Variants in INPP4B observed in about 807,000 individuals in gnomAD.
INPP4B encodes the protein inositol polyphosphate 4-phosphatase type II.
In INPP4B, 55 loss-of-function variants were observed where a neutral mutation model predicts 122.5. The observed-to-expected ratio is 0.45, with a 90% CI of 0.36 to 0.56. The LOEUF (loss-of-function observed/expected upper bound fraction) is 0.56, where lower values mean the gene tolerates loss of function less well. Among genes scored for constraint, INPP4B ranks in the 20% least tolerant of loss-of-function variants. The pLI is 0.00. For synonymous variants in INPP4B, 403 were observed against 388.7 expected (o/e 1.04, Z -0.43); for missense variants, 1,000 against 1,097.7 (o/e 0.91, Z 1.26).
At chr4:142,644,732 T>A (rs1751338490) in intron 2 of INPP4B, among the ~76,000 whole-genome samples, 4 of 99,250 alleles carry the variant, frequency 4.0e-5, no homozygotes, top group East Asian at 3.1e-4. Flanking sequence ...CAAAACCCCA[T>A]CTCTACTTAA....
At chr4:142,649,935 T>C (rs1247158624) in intron 2 of INPP4B, among the ~76,000 whole-genome samples, 6 of 151,996 alleles carry the variant, frequency 3.9e-5, no homozygotes, top group Non-Finnish European at 7.4e-5. Flanking sequence ...AAGGTTGAAA[T>C]GAAGGAAAAA....
At chr4:142,294,914 T>C (rs1011265022) in intron 9 of INPP4B, among the ~76,000 whole-genome samples, 11 of 147,452 alleles carry the variant, frequency 7.5e-5, no homozygotes, top group African/African-American at 2.8e-4. Context: ...TGAGCAGATG[T>C]GCAGATGTTC....
chr4:142,134,797 CAAAAAAAAAA>C (rs58297348), intron 18 of INPP4B, among the ~76,000 whole-genome samples: 9 of 51,298 alleles, frequency 1.8e-4, no homozygotes, highest in Admixed American at 2.2e-4. Context: ...AACTCTGTCT[CAAAAAAAAAA>C]AAAAAAAAAA....
intron 25 of INPP4B, among the ~76,000 whole-genome samples, chr4:142,079,498 T>C (rs1354862217): frequency 6.6e-6 from 1 of 152,064 alleles, no homozygotes; most frequent in African/African-American, 2.4e-5. Flanking sequence ...ACCCCAGTAA[T>C]CAATCAGCAT....
intron 2 of INPP4B, among the ~76,000 whole-genome samples, chr4:142,692,495 G>A (rs768632162): frequency 7.9e-5 from 12 of 152,144 alleles, no homozygotes; most frequent in Non-Finnish European, 1.2e-4. Flanking sequence ...GAGCCCAGGA[G>A]TTCCAGATTA....
chr4:142,297,137 C>T (rs1395016149), intron 9 of INPP4B, among the ~76,000 whole-genome samples: 1 of 152,168 alleles, frequency 6.6e-6, no homozygotes, highest in Non-Finnish European at 1.5e-5. Context: ...AGTTTTTAGT[C>T]TAAATAAGTA....
chr4:142,450,351 C>G (rs892172173), intron 3 of INPP4B, among the ~76,000 whole-genome samples: 1 of 152,184 alleles, frequency 6.6e-6, no homozygotes, highest in African/African-American at 2.4e-5. Flanking sequence ...CAGAATTTAA[C>G]AATTCACTAA....
rs143069962 is a variant in INPP4B at position 142,513,701 on chromosome 4, C to T, written c.-190-50975G>A. On this transcript the variant is annotated intron_variant, in intron 2 of 25. Transcript: ENST00000262992. Reference sequence around the variant, plus strand: ...GGATTACAGGCATGAGCCACTGCACCTGGCCTGGGGGTCTCTTTTATAAAA... The same window carrying T: ...GGATTACAGGCATGAGCCACTGCACTTGGCCTGGGGGTCTCTTTTATAAAA... Among the ~76,000 whole-genome samples the T allele has an allele frequency of 4.5e-3, 691 of 152,304 alleles. 7 individuals carry two copies. The highest frequency in any genetic ancestry group is 0.016 in the African/African-American group (664 of 41,570).
intron 11 of INPP4B, 23 bp from the exon 12 acceptor site, chr4:142,238,034 A>G (rs965632949): frequency 7.7e-7 from 1 of 1,301,614 alleles, no homozygotes; most frequent in Non-Finnish European, 1.1e-6. Flanking sequence ...AGAAAAAATA[A>G]TAGTTAAATT....
At chr4:142,624,548 G>T (rs139379912) in intron 2 of INPP4B, among the ~76,000 whole-genome samples, 1,654 of 152,040 alleles carry the variant, frequency 0.011, 30 homozygotes, top group African/African-American at 0.038. Context: ...TTCTATCAGA[G>T]GTACAAGAAG....
chr4:142,520,417 A>C (rs1168030618), intron 2 of INPP4B, among the ~76,000 whole-genome samples: 1 of 151,892 alleles, frequency 6.6e-6, no homozygotes, highest in Non-Finnish European at 1.5e-5. Context: ...AAATTATTGA[A>C]GGAGTAGGGA....
At chr4:142,256,490 C>A (rs1322734215) in intron 11 of INPP4B, among the ~76,000 whole-genome samples, 1 of 152,088 alleles carries the variant, frequency 6.6e-6, no homozygotes, top group Non-Finnish European at 1.5e-5. Context: ...AGAGAAGAAT[C>A]AAATAGATGC....
chr4:142,130,161 A>G (rs577115344), intron 18 of INPP4B, among the ~76,000 whole-genome samples: 1 of 152,304 alleles, frequency 6.6e-6, no homozygotes, highest in East Asian at 1.9e-4. Flanking sequence ...AGGAAGTCAC[A>G]TGTGGAAAGT....
chr4:142,055,250 TTTA>T (rs1756995271), intron 25 of INPP4B, among the ~76,000 whole-genome samples: 1 of 152,086 alleles, frequency 6.6e-6, no homozygotes, highest in Admixed American at 6.6e-5. Flanking sequence ...CTATTAATGG[TTTA>T]TTAATTAATA....
intron 3 of INPP4B, among the ~76,000 whole-genome samples, chr4:142,432,937 G>A (rs1809650597): frequency 6.6e-6 from 1 of 152,140 alleles, no homozygotes; most frequent in Admixed American, 6.5e-5. Context: ...ATAATTTGAG[G>A]ATGGGAGGAG....
At chr4:142,641,622 G>T (rs550400190) in intron 2 of INPP4B, among the ~76,000 whole-genome samples, 5 of 152,226 alleles carry the variant, frequency 3.3e-5, no homozygotes, top group African/African-American at 1.2e-4. Context: ...TGGCTGCATA[G>T]TATACCATGG....
chr4:142,481,861 T>A (rs1379802863), intron 2 of INPP4B, among the ~76,000 whole-genome samples: 1 of 152,182 alleles, frequency 6.6e-6, no homozygotes, highest in African/African-American at 2.4e-5. Context: ...ATGTACCTAG[T>A]GTTAATAAGG....
At chr4:142,133,634 C>T (rs1300807744) in intron 18 of INPP4B, among the ~76,000 whole-genome samples, 1 of 152,194 alleles carries the variant, frequency 6.6e-6, no homozygotes, top group Non-Finnish European at 1.5e-5. Flanking sequence ...TACACAAAGC[C>T]TCTACATGAT....
Position 142,237,964 on chromosome 4 carries a change from T to C in INPP4B, c.736A>G (p.Asn246Asp). 6.4e-7 allele frequency: 1 copy of C among 1,568,464 alleles called. No individual in the cohort carries two copies. Among genetic ancestry groups the C allele is most frequent in the Non-Finnish European group, 8.8e-7 (1 of 1,141,626 alleles). ...TGCTCTCGAATTCGCATCCACTTATTGTCAGATGTGGGAAATCTATATAAT... is the reference window on the plus strand; with the variant it reads ...TGCTCTCGAATTCGCATCCACTTATCGTCAGATGTGGGAAATCTATATAAT... ...CKLYRFPTSD[N>D]KWMRIREQMS... Residue 246 changes from asparagine to aspartate, a missense_variant, in exon 12 of 26, where the codon AAT becomes GAT. Physicochemically the swap from Asn to Asp is conservative, Grantham distance 23. Coordinates refer to ENST00000262992, the MANE Select transcript of INPP4B (RefSeq NM_001101669.3).
Sources: gnomAD v4.1 joint callset for allele counts (sites outside exome capture counted in the v4.1 genomes callset) on GRCh38, gnomAD v4.1.1 for gene constraint, MANE v1.5 for transcripts, NCBI Gene and HGNC (gene_info 2026-07-23, HGNC 2026-07-21) for gene names.